CRPPA: variants seen among roughly 807,000 people sequenced by gnomAD.
The protein encoded by CRPPA is CDP-L-ribitol pyrophosphorylase A, also known as D-ribitol-5-phosphate cytidylyltransferase.
In CRPPA, 43 loss-of-function variants were observed where a neutral mutation model predicts 52.0. The observed-to-expected ratio is 0.83, with a 90% CI of 0.65 to 1.07. The LOEUF (loss-of-function observed/expected upper bound fraction) is 1.07, where lower values mean the gene tolerates loss of function less well. Ranked by LOEUF, CRPPA falls within the 50% of genes least tolerant of loss-of-function variation. The pLI, the probability that CRPPA is intolerant of heterozygous loss-of-function variation, is 0.00. For synonymous variants in CRPPA, 250 were observed against 203.5 expected (o/e 1.23, Z -1.94); for missense variants, 629 against 551.7 (o/e 1.14, Z -1.40).
intron 2 of CRPPA, among the ~76,000 whole-genome samples, chr7:16,397,269 C>A (rs1172656118): frequency 1.3e-5 from 2 of 152,156 alleles, no homozygotes; most frequent in South Asian, 2.1e-4. Context: ...ACCAACACAA[C>A]ATGAGGGTGA....
intron 5 of CRPPA, among the ~76,000 whole-genome samples, chr7:16,292,030 C>T (rs144384385): frequency 9.2e-4 from 140 of 151,946 alleles, no homozygotes; most frequent in African/African-American, 3.0e-3. Flanking sequence ...TACATGCCTC[C>T]CTAATCACGC....
chr7:16,121,443 A>C (rs1385885313), intron 9 of CRPPA, among the ~76,000 whole-genome samples: 1 of 152,098 alleles, frequency 6.6e-6, no homozygotes, highest in Non-Finnish European at 1.5e-5. Context: ...TATGTTTACA[A>C]TGTGAATACA....
chr7:16,219,556 A>G (rs1380044838), intron 8 of CRPPA, among the ~76,000 whole-genome samples: 2 of 113,394 alleles, frequency 1.8e-5, no homozygotes, highest in East Asian at 5.1e-4. Flanking sequence ...CAAGACTAAT[A>G]AAGAAGAAAA....
chr7:16,182,417 C>T (rs1340316447), intron 9 of CRPPA, among the ~76,000 whole-genome samples: 1 of 152,046 alleles, frequency 6.6e-6, no homozygotes, highest in Non-Finnish European at 1.5e-5. Flanking sequence ...TATAGATTGT[C>T]ACCGTAGTTT....
At chr7:16,110,913 G>A (rs1476073683) in intron 9 of CRPPA, among the ~76,000 whole-genome samples, 3 of 151,924 alleles carry the variant, frequency 2.0e-5, no homozygotes, top group African/African-American at 7.2e-5. Context: ...ATAAGTACAG[G>A]AAACAAAAGC....
intron 3 of CRPPA, among the ~76,000 whole-genome samples, chr7:16,330,361 C>T (rs750618697): frequency 1.3e-5 from 2 of 152,066 alleles, no homozygotes; most frequent in East Asian, 1.9e-4. Context: ...TTGGAAGTCT[C>T]GCAGCTTCGT....
intron 3 of CRPPA, among the ~76,000 whole-genome samples, chr7:16,320,854 G>GTC (rs886992298): frequency 3.3e-5 from 5 of 152,078 alleles, no homozygotes; most frequent in South Asian, 4.1e-4. Flanking sequence ...TCTCATATCA[G>GTC]TCATTTTATG....
At chr7:16,126,810 T>C (rs895062081) in intron 9 of CRPPA, among the ~76,000 whole-genome samples, 1 of 152,130 alleles carries the variant, frequency 6.6e-6, no homozygotes, top group Non-Finnish European at 1.5e-5. Context: ...AAATGACTGA[T>C]AACTTACATG....
intron 9 of CRPPA, among the ~76,000 whole-genome samples, chr7:16,103,981 C>T (rs1020966554): frequency 7.2e-5 from 11 of 152,000 alleles, no homozygotes; most frequent in African/African-American, 2.4e-4. Flanking sequence ...TCAAACATAC[C>T]TTCTTGGCAG....
At chr7:16,160,160 C>T (rs534873489) in intron 9 of CRPPA, among the ~76,000 whole-genome samples, 37 of 152,250 alleles carry the variant, frequency 2.4e-4, no homozygotes, top group South Asian at 1.5e-3. Flanking sequence ...TGCAGAAGCT[C>T]TTTGGTTTAA....
chr7:16,315,413 G>A (rs868627897), intron 3 of CRPPA, among the ~76,000 whole-genome samples: 20 of 152,082 alleles, frequency 1.3e-4, no homozygotes, highest in African/African-American at 4.6e-4. Flanking sequence ...CTTGATAGCT[G>A]GACATGATTA....
At chr7:16,319,786 C>G (rs1785218336) in intron 3 of CRPPA, among the ~76,000 whole-genome samples, 1 of 152,130 alleles carries the variant, frequency 6.6e-6, no homozygotes, top group South Asian at 2.1e-4. Flanking sequence ...CTACAGCATC[C>G]TATGTTCTCC....
At chr7:16,150,550 G>C (rs1783058179) in intron 9 of CRPPA, among the ~76,000 whole-genome samples, 1 of 152,082 alleles carries the variant, frequency 6.6e-6, no homozygotes, top group Non-Finnish European at 1.5e-5. Context: ...ATATGAAACA[G>C]GAAATCCATG....
At chr7:16,199,891 C>G (rs1407677714) in intron 9 of CRPPA, among the ~76,000 whole-genome samples, 1 of 116,878 alleles carries the variant, frequency 8.6e-6, no homozygotes, top group Non-Finnish European at 1.7e-5. Context: ...GAGTTTTGCT[C>G]TTGTCGCCCA....
At chr7:16,130,440 G>A (rs1389566119) in intron 9 of CRPPA, among the ~76,000 whole-genome samples, 1 of 151,832 alleles carries the variant, frequency 6.6e-6, no homozygotes, top group Non-Finnish European at 1.5e-5. Context: ...TGTGTCTTGA[G>A]TTTTATTTAA....
At chr7:16,337,905 C>T (rs1785727689) in intron 3 of CRPPA, among the ~76,000 whole-genome samples, 2 of 152,130 alleles carry the variant, frequency 1.3e-5, no homozygotes, top group Non-Finnish European at 2.9e-5. Context: ...CTGTTGAATT[C>T]CACCGTACAT....
intron 9 of CRPPA, among the ~76,000 whole-genome samples, chr7:16,188,629 T>G (rs6975387): frequency 0.64 from 97,976 of 151,938 alleles, 31,941 homozygotes; most frequent in Admixed American, 0.7. Flanking sequence ...TTCCCCAACA[T>G]GTCCACTGTA....
At position 16,319,453 on chromosome 7, in the gene CRPPA, G is replaced by A. The variant is rs1479061974; in HGVS notation, c.685-10826C>T. Among the ~76,000 whole-genome samples the A allele has an allele frequency of 2.0e-5, 3 of 152,074 alleles. No individual in the cohort carries two copies. The East Asian group carries it at 5.8e-4, about 29-fold the overall frequency. On this transcript the variant is annotated intron_variant, in intron 3 of 9. Transcript: ENST00000407010. ...TCCCAACATGGATCCCCTAGCTTCT[G>A]TATCCCGTGCAGTCTGCTTCCTTGA...
chr7:16,157,951 T>C (rs1256892444), intron 9 of CRPPA, among the ~76,000 whole-genome samples: 1 of 152,018 alleles, frequency 6.6e-6, no homozygotes, highest in Non-Finnish European at 1.5e-5. Context: ...CTTGGCCCAC[T>C]GCAACCTCCA....
Sources: gnomAD v4.1 joint callset for allele counts (sites outside exome capture counted in the v4.1 genomes callset) on GRCh38, gnomAD v4.1.1 for gene constraint, MANE v1.5 for transcripts, NCBI Gene and HGNC (gene_info 2026-07-23, HGNC 2026-07-21) for gene names.